EYS: variants seen among roughly 807,000 people sequenced by gnomAD.
EYS encodes EGF-like photoreceptor maintenance factor, also known as protein eyes shut homolog.
In EYS, 250 loss-of-function variants were observed where a neutral mutation model predicts 282.1. The ratio of observed to expected loss-of-function variants is 0.89; its 90% CI spans 0.80 to 0.98. EYS has a LOEUF of 0.98. EYS is among the 50% of genes least tolerant of loss of function. The pLI, the probability that EYS is intolerant of heterozygous loss-of-function variation, is 0.00. For missense variants in EYS, 4,016 were observed against 3,709.0 expected (o/e 1.08, Z -2.15); for synonymous variants, 1,355 against 1,282.9 (o/e 1.06, Z -1.20).
intron 22 of EYS, among the ~76,000 whole-genome samples, chr6:64,720,135 A>G (rs12661687): frequency 0.047 from 7,143 of 152,264 alleles, 234 homozygotes; most frequent in East Asian, 0.18. Context: ...AGGCACTAAG[A>G]TAGAATCTAC....
intron 26 of EYS, among the ~76,000 whole-genome samples, chr6:64,504,662 G>A (rs1360968269): frequency 6.6e-6 from 1 of 152,182 alleles, no homozygotes; most frequent in African/African-American, 2.4e-5. Context: ...TTGGCAAGGT[G>A]TTTCATCATA....
intron 19 of EYS, among the ~76,000 whole-genome samples, chr6:64,841,712 C>A (rs1241789029): frequency 6.6e-6 from 1 of 152,128 alleles, no homozygotes; most frequent in Non-Finnish European, 1.5e-5. Context: ...TTTTGGGAGA[C>A]AATTGGCACT....
intron 29 of EYS, among the ~76,000 whole-genome samples, chr6:64,320,707 C>T (rs888959147): frequency 7.1e-6 from 1 of 140,730 alleles, no homozygotes; most frequent in Admixed American, 7.2e-5. Flanking sequence ...ATCCTATTGG[C>T]CACAGTTTCC....
chr6:63,739,141 T>C (rs535990813), intron 41 of EYS, among the ~76,000 whole-genome samples: 15 of 152,294 alleles, frequency 9.8e-5, no homozygotes, highest in Admixed American at 4.6e-4. Flanking sequence ...ATTATCATAA[T>C]TGTTTTGTTT....
chr6:64,753,451 C>T (rs976019177), intron 22 of EYS, among the ~76,000 whole-genome samples: 1 of 149,006 alleles, frequency 6.7e-6, no homozygotes, highest in African/African-American at 2.5e-5. Context: ...CAAAAGAGAA[C>T]AAGAGTAGTT....
chr6:64,488,008 T>A (rs963757804), intron 26 of EYS, among the ~76,000 whole-genome samples: 1 of 151,026 alleles, frequency 6.6e-6, no homozygotes, highest in African/African-American at 2.4e-5. Flanking sequence ...AACATGAGAT[T>A]TTCTACATTT....
chr6:64,480,038 T>C (rs567519303), intron 26 of EYS, among the ~76,000 whole-genome samples: 8 of 152,004 alleles, frequency 5.3e-5, no homozygotes, highest in African/African-American at 1.9e-4. Flanking sequence ...GCCTCACATA[T>C]ACACATGCGG....
At chr6:65,070,369 C>T (rs1294329955) in intron 12 of EYS, among the ~76,000 whole-genome samples, 1 of 151,856 alleles carries the variant, frequency 6.6e-6, no homozygotes, top group Non-Finnish European at 1.5e-5. Context: ...GAGTCTTCAC[C>T]CTTGTTAGGC....
chr6:64,018,233 C>T (rs116321659), intron 33 of EYS, among the ~76,000 whole-genome samples: 365 of 152,040 alleles, frequency 2.4e-3, no homozygotes, highest in African/African-American at 8.4e-3. Context: ...CATTTGAAAA[C>T]GTAAATTAAC....
intron 29 of EYS, among the ~76,000 whole-genome samples, chr6:64,383,650 C>A (rs1354568860): frequency 6.6e-6 from 1 of 152,096 alleles, no homozygotes; most frequent in African/African-American, 2.4e-5. Context: ...GTAAGTGGAC[C>A]CCTATAAATG....
At chr6:64,366,707 C>A (rs1772193938) in intron 29 of EYS, among the ~76,000 whole-genome samples, 1 of 151,922 alleles carries the variant, frequency 6.6e-6, no homozygotes, top group Non-Finnish European at 1.5e-5. Context: ...GAACAGGGAT[C>A]CTGAGTGATC....
intron 31 of EYS, among the ~76,000 whole-genome samples, chr6:64,151,325 A>G (rs1293322846): frequency 0.023 from 1,799 of 78,554 alleles, 27 homozygotes; most frequent in Non-Finnish European, 0.03. Flanking sequence ...ATTTATATAT[A>G]TATATATATA....
chr6:64,378,866 A>T (rs1772651805), intron 29 of EYS, among the ~76,000 whole-genome samples: 1 of 152,202 alleles, frequency 6.6e-6, no homozygotes, highest in African/African-American at 2.4e-5. Context: ...AATGGAGCAT[A>T]TCTCAAAAAC....
At chr6:65,108,284 C>A (rs1454871166) in intron 12 of EYS, among the ~76,000 whole-genome samples, 1 of 143,160 alleles carries the variant, frequency 7.0e-6, no homozygotes, top group East Asian at 2.0e-4. Context: ...TTGAGGTTGA[C>A]TTTAAAAAAA....
At chr6:65,277,581 C>A (rs1428849056) in intron 12 of EYS, among the ~76,000 whole-genome samples, 2 of 152,080 alleles carry the variant, frequency 1.3e-5, no homozygotes, top group Admixed American at 1.3e-4. Context: ...TCATTTTGAA[C>A]ATCTATCCTT....
intron 28 of EYS, among the ~76,000 whole-genome samples, chr6:64,406,088 C>T (rs1773696699): frequency 6.6e-6 from 1 of 152,152 alleles, no homozygotes; most frequent in Non-Finnish European, 1.5e-5. Flanking sequence ...ACCAAAACAG[C>T]ATGGTACTGG....
intron 27 of EYS, among the ~76,000 whole-genome samples, chr6:64,437,499 A>G (rs1774792697): frequency 6.6e-6 from 1 of 151,720 alleles, no homozygotes; most frequent in Non-Finnish European, 1.5e-5. Context: ...CATTTCAGCT[A>G]GATGATCAGA....
chr6:64,775,546 G>A (rs1414219543), intron 22 of EYS, among the ~76,000 whole-genome samples: 1 of 151,884 alleles, frequency 6.6e-6, no homozygotes, highest in Non-Finnish European at 1.5e-5. Context: ...CTAAGAAAGA[G>A]ATTATAGGAA....
chr6:64,933,502 T>C (rs913338093), intron 15 of EYS, among the ~76,000 whole-genome samples: 1 of 152,120 alleles, frequency 6.6e-6, no homozygotes, highest in African/African-American at 2.4e-5. Context: ...GGAGAGGATG[T>C]GGAGAAATAG....
Sources: allele counts gnomAD v4.1 joint callset (sites outside exome capture counted in the v4.1 genomes callset), GRCh38; gene constraint gnomAD v4.1.1; transcripts MANE v1.5; gene names NCBI Gene and HGNC (gene_info 2026-07-23, HGNC 2026-07-21).